GLDN: variants seen among roughly 807,000 people sequenced by gnomAD.
GLDN encodes the protein gliomedin, also known as collomin.
In GLDN, 47 loss-of-function variants were observed where a neutral mutation model predicts 56.5. The observed-to-expected ratio is 0.83, with a 90% CI of 0.66 to 1.06. GLDN has a LOEUF of 1.06. Among genes scored for constraint, GLDN ranks in the 50% least tolerant of loss-of-function variants. GLDN has a pLI of 0.00. For missense variants in GLDN, 782 were observed against 714.3 expected (o/e 1.09, Z -1.08); for synonymous variants, 332 against 278.8 (o/e 1.19, Z -1.90).
At chr15:51,360,119 A>C (rs1347045579) in intron 1 of GLDN, 1 of 152,168 alleles carries the variant, frequency 6.6e-6, no homozygotes, top group African/African-American at 2.4e-5. Flanking sequence ...CTGGGCCCCG[A>C]GCAAAATTTG....
chr15:51,383,412 A>G (rs762567627), intron 2 of GLDN, 24 bp from the exon 3 acceptor site: 2 of 1,613,732 alleles, frequency 1.2e-6, no homozygotes, highest in Admixed American at 1.7e-5. Flanking sequence ...CTGGTTTCTC[A>G]ACTAAATTTT....
At chr15:51,356,079 T>C (rs4775939) in intron 1 of GLDN, among the ~76,000 whole-genome samples, 24,732 of 151,092 alleles carry the variant, frequency 0.16, 2,557 homozygotes, top group East Asian at 0.53. Flanking sequence ...TGGTGGTGCG[T>C]GCCCGTGGTC....
At chr15:51,350,105 G>A (rs1406494266) in intron 1 of GLDN, among the ~76,000 whole-genome samples, 5 of 152,062 alleles carry the variant, frequency 3.3e-5, no homozygotes, top group Admixed American at 2.0e-4. Context: ...GGTTAACTCT[G>A]GGGTCTAACA....
chr15:51,392,031 C>G (rs1056979183), intron 4 of GLDN, among the ~76,000 whole-genome samples: 2 of 152,230 alleles, frequency 1.3e-5, no homozygotes, highest in East Asian at 3.8e-4. Flanking sequence ...CACTTTGAGG[C>G]TTTTCCATGC....
chr15:51,371,386 A>G (rs2037512867), intron 1 of GLDN, among the ~76,000 whole-genome samples: 1 of 152,200 alleles, frequency 6.6e-6, no homozygotes, highest in South Asian at 2.1e-4. Context: ...TTTCTTTTTA[A>G]CAGATACTGC....
intron 1 of GLDN, among the ~76,000 whole-genome samples, chr15:51,357,399 GGTGA>G (rs2037206003): frequency 2.6e-5 from 4 of 152,168 alleles, no homozygotes; most frequent in South Asian, 4.1e-4. Flanking sequence ...TCTCCAAAGC[GGTGA>G]GTAACACTGG....
chr15:51,385,716 G>C (rs892778725), intron 4 of GLDN, among the ~76,000 whole-genome samples: 1 of 152,144 alleles, frequency 6.6e-6, no homozygotes, highest in East Asian at 1.9e-4. Context: ...AGGTAAAAGA[G>C]GGTCTCAGGG....
rs2038350641 is a variant in GLDN, at chr15:51,405,185, C to T, written c.*431C>T. The T allele has an allele frequency of 5.6e-6, 1 of 178,348 alleles. No homozygotes were observed. The highest frequency in any genetic ancestry group is 5.4e-5 in the Admixed American group (1 of 18,438). The allele number at this position is 178,348 out of a possible 1,614,324, so 11.0% of individuals were successfully genotyped here. ...AAGTCCAGTGGCTTGAGTAGTGAAT[C>T]CCTCAGTGCTGACTTATATCTTGTT... On this transcript the variant is annotated 3_prime_UTR_variant, in exon 10 of 10. Transcript: ENST00000335449.
At chr15:51,355,220 A>C (rs2141055672) in intron 1 of GLDN, among the ~76,000 whole-genome samples, 1 of 152,246 alleles carries the variant, frequency 6.6e-6, no homozygotes, top group African/African-American at 2.4e-5. Context: ...CTGGTTGGCT[A>C]TTTTTATGGT....
At chr15:51,384,089 T>G (rs2037835581) in intron 4 of GLDN, 197 bp downstream of exon 4, 1 of 627,084 alleles carries the variant, frequency 1.6e-6, no homozygotes, top group Non-Finnish European at 2.9e-6. Flanking sequence ...GACAGATGTT[T>G]ATTTCAAACT....
chr15:51,380,591 T>C (rs1318098006), intron 2 of GLDN, among the ~76,000 whole-genome samples: 1 of 152,192 alleles, frequency 6.6e-6, no homozygotes, highest in African/African-American at 2.4e-5. Context: ...GCACATTTTA[T>C]GTCTGCCCGG....
intron 1 of GLDN, among the ~76,000 whole-genome samples, chr15:51,367,864 A>G (rs2037437601): frequency 6.6e-6 from 1 of 152,156 alleles, no homozygotes; most frequent in South Asian, 2.1e-4. Flanking sequence ...TTATTGCCCT[A>G]CAGACCAGGC....
chr15:51,390,943 C>T (rs2038004327), intron 4 of GLDN, among the ~76,000 whole-genome samples: 1 of 152,182 alleles, frequency 6.6e-6, no homozygotes, highest in African/African-American at 2.4e-5. Context: ...TGGGACAGGG[C>T]AGGGTAGAAA....
intron 1 of GLDN, among the ~76,000 whole-genome samples, chr15:51,351,630 T>A (rs2037078418): frequency 6.6e-6 from 1 of 152,234 alleles, no homozygotes; most frequent in African/African-American, 2.4e-5. Flanking sequence ...GATCTCCCTA[T>A]GGCAGTCACA....
chr15:51,362,484 T>TA (rs59898719), intron 1 of GLDN, among the ~76,000 whole-genome samples: 13,865 of 131,268 alleles, frequency 0.11, 856 homozygotes, highest in Non-Finnish European at 0.14. Flanking sequence ...GACTCTGTCT[T>TA]AAAAAAAAAA....
intron 1 of GLDN, among the ~76,000 whole-genome samples, chr15:51,376,767 C>G (rs2037639910): frequency 6.6e-6 from 1 of 152,088 alleles, no homozygotes; most frequent in South Asian, 2.1e-4. Context: ...AAGACACAAA[C>G]TCACACATTA....
At chr15:51,399,499 G>A (rs1175412839) in intron 6 of GLDN, among the ~76,000 whole-genome samples, 1 of 152,150 alleles carries the variant, frequency 6.6e-6, no homozygotes, top group African/African-American at 2.4e-5. Flanking sequence ...ATTCATTAAG[G>A]GGGACACTGA....
At chr15:51,366,580 G>A (rs551846107) in intron 1 of GLDN, among the ~76,000 whole-genome samples, 1 of 152,352 alleles carries the variant, frequency 6.6e-6, no homozygotes, top group South Asian at 2.1e-4. Flanking sequence ...TTGTCAAACT[G>A]AGCTGGTGAT....
At chr15:51,363,843 C>T (rs2141068000) in intron 1 of GLDN, among the ~76,000 whole-genome samples, 1 of 152,284 alleles carries the variant, frequency 6.6e-6, no homozygotes, top group South Asian at 2.1e-4. Flanking sequence ...TTTACCTTTG[C>T]TTTTGAAAAT....
Sources: gnomAD v4.1 joint callset for allele counts (sites outside exome capture counted in the v4.1 genomes callset) on GRCh38, gnomAD v4.1.1 for gene constraint, MANE v1.5 for transcripts, NCBI Gene and HGNC (gene_info 2026-07-23, HGNC 2026-07-21) for gene names.